CLCN3: variants seen among roughly 807,000 people sequenced by gnomAD.
CLCN3 encodes Cl-/H+ antiporter 3.
A neutral mutation model predicts 83.4 loss-of-function variants in CLCN3; 16 were observed. That is an observed-to-expected ratio of 0.19 (90% CI 0.13 to 0.29). The LOEUF is 0.29. Ranked by LOEUF, CLCN3 falls within the 10% of genes least tolerant of loss-of-function variation. CLCN3 has a pLI of 1.00. For missense variants in CLCN3, 544 were observed against 1,006.0 expected (o/e 0.54, Z 6.21); for synonymous variants, 322 against 346.2 (o/e 0.93, Z 0.78).
intron 12 of CLCN3, among the ~76,000 whole-genome samples, chr4:169,719,406 G>C (rs1271837564): frequency 6.6e-6 from 1 of 152,218 alleles, no homozygotes; most frequent in Non-Finnish European, 1.5e-5. Context: ...GGAGGTTGCA[G>C]TGAGCTGAGA....
At chr4:169,717,747 T>TA (rs756656341) in intron 12 of CLCN3, 2 of 1,270,470 alleles carry the variant, frequency 1.6e-6, no homozygotes, top group Non-Finnish European at 2.3e-6. Flanking sequence ...GAAACTCTTT[T>TA]AATTTAATTT....
chr4:169,678,673 G>T (rs1356129199), intron 2 of CLCN3, among the ~76,000 whole-genome samples: 1 of 152,134 alleles, frequency 6.6e-6, no homozygotes, highest in Non-Finnish European at 1.5e-5. Flanking sequence ...ATCTTGCACC[G>T]CCCTTAATCC....
rs772278487 is a variant in CLCN3, at chr4:169,697,772, G to T, written c.1563+38G>T. On this transcript the variant is annotated intron_variant, in intron 9 of 12. Transcript: ENST00000513761. ...GTGAGGTGATATTTGGGTAATTTTG[G>T]CATGTTCAAAACTTATATGTGGAAT... 3.5e-6 allele frequency: 5 copies of T among 1,439,894 alleles called. No individual in the cohort carries two copies. The Admixed American group carries it at 9.2e-5, about 27-fold the overall frequency. 89.2% of individuals were successfully genotyped at this position (1,439,894 alleles called of 1,614,324 possible).
intron 2 of CLCN3, among the ~76,000 whole-genome samples, chr4:169,670,851 A>G (rs1731431358): frequency 6.6e-6 from 1 of 152,102 alleles, no homozygotes; most frequent in Admixed American, 6.5e-5. Context: ...AGTTGTACTC[A>G]TCATCACTGA....
Position 169,697,748 on chromosome 4 carries a change from T to C in CLCN3, c.1563+14T>C. ...TTTGGCATCAAGGTAAGTGCTAATG[T>C]GAGGTGATATTTGGGTAATTTTGGC... On this transcript the variant is annotated intron_variant, in intron 9 of 12. Coordinates refer to ENST00000513761, the MANE Select transcript of CLCN3 (RefSeq NM_001829.4). The C allele has an allele frequency of 1.9e-6, 3 of 1,559,600 alleles. No individual in the cohort carries two copies. Among genetic ancestry groups the C allele is most frequent in the Non-Finnish European group, 2.6e-6 (3 of 1,148,360 alleles).
intron 1 of CLCN3, among the ~76,000 whole-genome samples, chr4:169,626,305 G>C (rs976026930): frequency 3.3e-5 from 5 of 152,204 alleles, no homozygotes; most frequent in African/African-American, 9.7e-5. Context: ...CCTTCCAGGA[G>C]CCTCCAATGT....
chr4:169,632,763 G>A (rs893953333), intron 1 of CLCN3, among the ~76,000 whole-genome samples: 7 of 150,876 alleles, frequency 4.6e-5, no homozygotes, highest in African/African-American at 1.7e-4. Flanking sequence ...ACTAGCAGGG[G>A]TTGGGCTGCA....
intron 1 of CLCN3, among the ~76,000 whole-genome samples, chr4:169,635,194 C>G (rs1773472673): frequency 6.6e-6 from 1 of 152,170 alleles, no homozygotes; most frequent in African/African-American, 2.4e-5. Context: ...ATGACTGCAT[C>G]TTTCAAGTCC....
intron 2 of CLCN3, chr4:169,660,462 C>T: frequency 7.6e-7 from 1 of 1,307,818 alleles, no homozygotes; most frequent in African/African-American, 1.5e-5. Flanking sequence ...ATACTATCCC[C>T]TTGCTGTGAA....
intron 2 of CLCN3, among the ~76,000 whole-genome samples, chr4:169,639,779 C>T (rs892653838): frequency 3.4e-4 from 52 of 152,102 alleles, no homozygotes; most frequent in Admixed American, 1.2e-3. Context: ...GTAAGTCAAG[C>T]AGTAATTCTT....
intron 2 of CLCN3, among the ~76,000 whole-genome samples, chr4:169,669,619 CT>C (rs1731382802): frequency 6.6e-6 from 1 of 152,186 alleles, no homozygotes; most frequent in Non-Finnish European, 1.5e-5. Flanking sequence ...AAAAAATCAA[CT>C]TTTAAGTGTG....
chr4:169,702,777 CAAAAAAAAAAAAA>C (rs60812626), intron 9 of CLCN3: 60 of 239,838 alleles, frequency 2.5e-4, no homozygotes, highest in South Asian at 5.0e-4. Flanking sequence ...CCCATCTCTA[CAAAAAAAAAAAAA>C]AAAAAAAGAA....
At chr4:169,676,512 C>CT (rs11445601) in intron 2 of CLCN3, among the ~76,000 whole-genome samples, 17,513 of 147,550 alleles carry the variant, frequency 0.12, 1,103 homozygotes, top group East Asian at 0.17. Context: ...TTTTTCTTTT[C>CT]TTTTTTTTTT....
Position 169,697,613 on chromosome 4 carries a change from G to A in CLCN3, c.1442G>A (p.Ser481Asn), listed in dbSNP as rs748101747. The stretch of plus-strand genomic sequence containing the variant: ...GACTACAGAAATGACATGAATGCCA[G>A]TAAAATTGTCGATGACATTCCTGAT... Reference protein sequence around the residue: ...LCDYRNDMNASKIVDDIPDRP... With the variant: ...LCDYRNDMNANKIVDDIPDRP... The change falls in exon 9 of 13, where the codon AGT (serine) becomes AAT (asparagine). Residue 481 changes from serine to asparagine, a missense_variant. By Grantham distance (46) the Ser-to-Asn change is conservative. This residue lies in a region of CLCN3 where 194 missense variants were observed against 341.4 expected (regional missense o/e 0.57). Transcript: ENST00000513761. 2 of 1,614,146 alleles carry A rather than the reference G, an allele frequency of 1.2e-6. No homozygotes were observed. Among genetic ancestry groups the A allele is most frequent in the South Asian group, 2.2e-5 (2 of 91,090 alleles).
chr4:169,677,916 A>C (rs1424846253), intron 2 of CLCN3, among the ~76,000 whole-genome samples: 1 of 152,164 alleles, frequency 6.6e-6, no homozygotes, highest in Non-Finnish European at 1.5e-5. Flanking sequence ...CTATCTTTTA[A>C]TGTCCTTCCT....
chr4:169,706,183 C>T (rs1284159545), intron 10 of CLCN3, among the ~76,000 whole-genome samples: 1 of 151,930 alleles, frequency 6.6e-6, no homozygotes, highest in Non-Finnish European at 1.5e-5. Flanking sequence ...CATACACCAC[C>T]ATGCATGACT....
At chr4:169,706,795 G>T in intron 10 of CLCN3, 73 bp from the exon 11 acceptor site, 1 of 1,349,300 alleles carries the variant, frequency 7.4e-7, no homozygotes, top group Non-Finnish European at 1.0e-6. Flanking sequence ...TAACTGCCTA[G>T]TGCAAAAATT....
intron 2 of CLCN3, among the ~76,000 whole-genome samples, chr4:169,638,882 A>G (rs1730320283): frequency 6.6e-6 from 1 of 152,238 alleles, no homozygotes; most frequent in Non-Finnish European, 1.5e-5. Context: ...CCCAAGACTG[A>G]TAACTGGCAA....
intron 1 of CLCN3, among the ~76,000 whole-genome samples, chr4:169,624,810 A>G (rs1161111431): frequency 6.6e-6 from 1 of 151,696 alleles, no homozygotes; most frequent in Non-Finnish European, 1.5e-5. Flanking sequence ...CTTTTGTTTG[A>G]GGCTCAGTCT....
Sources: allele counts gnomAD v4.1 joint callset (sites outside exome capture counted in the v4.1 genomes callset), GRCh38; gene constraint gnomAD v4.1.1; regional missense constraint gnomAD v4.1.1; transcripts MANE v1.5; gene names NCBI Gene and HGNC (gene_info 2026-07-23, HGNC 2026-07-21).